The following NRG3 variants were observed in gnomAD, a reference collection of about 807,000 sequenced individuals.
The protein encoded by NRG3 is pro-neuregulin-3, membrane-bound isoform.
In NRG3, 31 loss-of-function variants were observed where a neutral mutation model predicts 66.9. The observed-to-expected ratio is 0.46, with a 90% CI of 0.35 to 0.63. NRG3 has a LOEUF of 0.63. Ranked by LOEUF, NRG3 falls within the 20% of genes least tolerant of loss-of-function variation. NRG3 has a pLI of 0.00. For synonymous variants in NRG3, 393 were observed against 359.4 expected (o/e 1.09, Z -1.06); for missense variants, 910 against 878.9 (o/e 1.04, Z -0.45).
chr10:82,861,935 A>G (rs1203011863), intron 3 of NRG3, among the ~76,000 whole-genome samples: 2 of 152,272 alleles, frequency 1.3e-5, no homozygotes, highest in East Asian at 1.9e-4. Flanking sequence ...TAGTGTAATG[A>G]TAGGTAATCC....
chr10:81,979,055 G>C (rs2060231873), intron 1 of NRG3, among the ~76,000 whole-genome samples: 1 of 152,028 alleles, frequency 6.6e-6, no homozygotes, highest in Non-Finnish European at 1.5e-5. Flanking sequence ...TGGGCGTAGT[G>C]GCGCACGCCT....
At chr10:82,202,568 A>G (rs998473471) in intron 1 of NRG3, among the ~76,000 whole-genome samples, 1 of 152,218 alleles carries the variant, frequency 6.6e-6, no homozygotes, top group Non-Finnish European at 1.5e-5. Flanking sequence ...TACAAATTAC[A>G]CTATCAATAT....
At chr10:82,500,167 C>A (rs1844029274) in intron 2 of NRG3, among the ~76,000 whole-genome samples, 1 of 152,136 alleles carries the variant, frequency 6.6e-6, no homozygotes, top group Non-Finnish European at 1.5e-5. Context: ...CTCTGAGCCC[C>A]TACATAAGTC....
At chr10:81,919,325 C>T (rs1034881593) in intron 1 of NRG3, among the ~76,000 whole-genome samples, 2 of 152,136 alleles carry the variant, frequency 1.3e-5, no homozygotes, top group Admixed American at 6.5e-5. Flanking sequence ...GCTTCAAAAC[C>T]GAGCGTCGAC....
intron 1 of NRG3, among the ~76,000 whole-genome samples, chr10:82,274,882 C>T (rs549727819): frequency 8.6e-5 from 13 of 151,950 alleles, no homozygotes; most frequent in Admixed American, 2.6e-4. Flanking sequence ...AACCTCTTGC[C>T]CAAAGCACCC....
chr10:82,050,778 G>T (rs115266658), intron 1 of NRG3, among the ~76,000 whole-genome samples: 1 of 81,620 alleles, frequency 1.2e-5, no homozygotes, highest in African/African-American at 3.0e-5. Flanking sequence ...TCTACCCCTT[G>T]CTTCCTCTCA....
intron 1 of NRG3, among the ~76,000 whole-genome samples, chr10:82,300,385 T>C (rs893348350): frequency 6.6e-6 from 1 of 152,196 alleles, no homozygotes; most frequent in Non-Finnish European, 1.5e-5. Context: ...AAAATACCCA[T>C]AATCAAAAGT....
At chr10:82,307,457 C>A (rs528733440) in intron 1 of NRG3, among the ~76,000 whole-genome samples, 17 of 152,014 alleles carry the variant, frequency 1.1e-4, no homozygotes, top group Non-Finnish European at 2.4e-4. Flanking sequence ...TAGGTTGTTA[C>A]ATTATGTGGA....
chr10:82,003,677 C>T (rs2061261638), intron 1 of NRG3, among the ~76,000 whole-genome samples: 1 of 152,044 alleles, frequency 6.6e-6, no homozygotes, highest in East Asian at 1.9e-4. Context: ...TTGCTGGTAA[C>T]CAAAATGCCA....
intron 2 of NRG3, among the ~76,000 whole-genome samples, chr10:82,719,945 C>A (rs545462416): frequency 6.6e-6 from 1 of 152,154 alleles, no homozygotes. Context: ...AAATCTAAAT[C>A]TATATTAAAT....
At chr10:82,279,637 A>G (rs2079031179) in intron 1 of NRG3, among the ~76,000 whole-genome samples, 1 of 152,166 alleles carries the variant, frequency 6.6e-6, no homozygotes, top group Non-Finnish European at 1.5e-5. Flanking sequence ...CTTAAATCAC[A>G]TTTTTCTGAC....
chr10:82,103,739 C>T (rs117923972), intron 1 of NRG3, among the ~76,000 whole-genome samples: 179 of 152,216 alleles, frequency 1.2e-3, no homozygotes, highest in Non-Finnish European at 1.9e-3. Flanking sequence ...TCTCAAGGGC[C>T]TCCTCCAGTT....
At chr10:82,712,258 G>T (rs1305928485) in intron 2 of NRG3, among the ~76,000 whole-genome samples, 1 of 152,112 alleles carries the variant, frequency 6.6e-6, no homozygotes, top group Non-Finnish European at 1.5e-5. Flanking sequence ...TTTTTTAAAA[G>T]ATTATACTAA....
intron 2 of NRG3, among the ~76,000 whole-genome samples, chr10:82,399,817 A>G (rs930108110): frequency 6.6e-6 from 1 of 152,214 alleles, no homozygotes; most frequent in Non-Finnish European, 1.5e-5. Flanking sequence ...GCAGAATCAC[A>G]GACAAATCAT....
intron 7 of NRG3, 129 bp from the exon 8 acceptor site, chr10:82,978,821 C>T (rs1852558253): frequency 2.3e-6 from 2 of 878,056 alleles, no homozygotes; most frequent in Non-Finnish European, 3.5e-6. Context: ...TCAGGGATGG[C>T]CCTGGCCTAG....
intron 2 of NRG3, among the ~76,000 whole-genome samples, chr10:82,461,223 T>C (rs1462650760): frequency 4.1e-4 from 61 of 148,978 alleles, no homozygotes; most frequent in African/African-American, 1.5e-3. Flanking sequence ...ATTACCACCA[T>C]CAACACCACC....
At chr10:82,619,700 G>A (rs568653473) in intron 2 of NRG3, among the ~76,000 whole-genome samples, 2 of 152,278 alleles carry the variant, frequency 1.3e-5, no homozygotes, top group South Asian at 4.1e-4. Context: ...TTAAGGTGAG[G>A]TTATGAGGGT....
intron 1 of NRG3, among the ~76,000 whole-genome samples, chr10:82,144,135 T>G (rs902132086): frequency 3.3e-5 from 5 of 152,210 alleles, no homozygotes; most frequent in African/African-American, 1.2e-4. Context: ...CCCTTTACTA[T>G]TTAATATTCT....
chr10:82,666,046 G>A (rs932490764), intron 2 of NRG3, among the ~76,000 whole-genome samples: 17 of 152,124 alleles, frequency 1.1e-4, no homozygotes, highest in African/African-American at 3.6e-4. Context: ...ATTTTTAGTA[G>A]AGACAGGGTT....
Sources: gnomAD v4.1 joint callset for allele counts (sites outside exome capture counted in the v4.1 genomes callset) on GRCh38, gnomAD v4.1.1 for gene constraint, MANE v1.5 for transcripts, NCBI Gene and HGNC (gene_info 2026-07-23, HGNC 2026-07-21) for gene names.